NFIX: variants seen among roughly 807,000 people sequenced by gnomAD.
The protein encoded by NFIX is nuclear factor I X, also known as nuclear factor 1 X-type.
A neutral mutation model predicts 53.3 loss-of-function variants in NFIX; 2 were observed. The observed-to-expected ratio is 0.04, with a 90% CI of 0.02 to 0.12. The LOEUF (loss-of-function observed/expected upper bound fraction) is 0.12. NFIX is among the 10% of genes least tolerant of loss of function. The pLI, the probability that NFIX is intolerant of heterozygous loss-of-function variation, is 1.00. For missense variants in NFIX, 310 were observed against 674.5 expected, an observed-to-expected ratio of 0.46 and a Z score of 5.99; for synonymous variants, 244 against 289.0, an observed-to-expected ratio of 0.84 and a Z score of 1.58.
chr19:13,024,087 A>G, intron 1 of NFIX: 1 of 903,256 alleles, frequency 1.1e-6, no homozygotes, highest in East Asian at 2.8e-5. Flanking sequence ...ATCAATTATT[A>G]TTTAAACTTC....
chr19:13,030,305 T>C (rs2013700384), intron 2 of NFIX, among the ~76,000 whole-genome samples: 1 of 152,230 alleles, frequency 6.6e-6, no homozygotes, highest in Non-Finnish European at 1.5e-5. Context: ...TCTTCCATTC[T>C]TCCATGTCTA....
At position 13,043,396 on chromosome 19, in the gene NFIX, G is replaced by T. The variant is rs1049529472; in HGVS notation, c.559+17844G>T. Among the ~76,000 whole-genome samples the T allele has an allele frequency of 6.6e-6, 1 of 152,224 alleles. No homozygotes were observed. The highest frequency in any genetic ancestry group is 1.5e-5 in the Non-Finnish European group (1 of 68,040). On this transcript the variant is annotated intron_variant, in intron 2 of 10. Coordinates refer to ENST00000592199, the MANE Select transcript of NFIX (RefSeq NM_001365902.3). The surrounding 1 kb of genome is among the most constrained non-coding windows in gnomAD (Gnocchi z 4.0). ...TGAGACTGTCTGGTGGTGAGCAGGT[G>T]CTGGCCATGGTATCTTAATGGCAGC...
intron 2 of NFIX, among the ~76,000 whole-genome samples, chr19:13,054,580 CAGGGAGTCCT>C (rs2015531878): frequency 2.0e-5 from 3 of 152,192 alleles, no homozygotes; most frequent in Admixed American, 2.0e-4. Flanking sequence ...GCCAGTACCC[CAGGGAGTCCT>C]ACTCCAAGAG....
Position 13,021,802 on chromosome 19 carries a change from A to G in NFIX, c.28-3219A>G, listed in dbSNP as rs1033713895. 2.0e-5 allele frequency among the ~76,000 whole-genome samples: 3 copies of G among 152,096 alleles called. No homozygotes were observed. Among genetic ancestry groups the G allele is most frequent in the African/African-American group, 4.8e-5 (2 of 41,416 alleles). ...TCACCCTTTCTGCTTGCTGTGAGGA[A>G]GGTCCCCAAGTGGAGGACCAGAGCA... On this transcript the variant is annotated intron_variant, in intron 1 of 10. Transcript: ENST00000592199. This position sits in a 1 kb window ranked among gnomAD's most constrained non-coding sequence, Gnocchi z 4.2.
chr19:13,056,459 T>G (rs1599802119), intron 2 of NFIX, among the ~76,000 whole-genome samples: 1 of 151,868 alleles, frequency 6.6e-6, no homozygotes, highest in Admixed American at 6.5e-5. Flanking sequence ...CCACATAGGG[T>G]GGGCCCACCC....
intron 2 of NFIX, among the ~76,000 whole-genome samples, chr19:13,065,082 C>T (rs2016320806): frequency 6.6e-6 from 1 of 152,114 alleles, no homozygotes; most frequent in Admixed American, 6.5e-5. Flanking sequence ...GGCCACCCAC[C>T]TCCTTCCTCC....
chr19:13,070,912 T>G (rs1231068880), intron 2 of NFIX: 2 of 152,370 alleles, frequency 1.3e-5, no homozygotes, highest in Non-Finnish European at 2.9e-5. Flanking sequence ...CCCTCTCGGC[T>G]GTCCCTGGGC....
chr19:13,051,816 C>G lies in NFIX; in HGVS notation c.560-21231C>G, dbSNP rs1244497824. Among the ~76,000 whole-genome samples, 1 of 152,236 alleles carries G rather than the reference C, an allele frequency of 6.6e-6. No homozygotes were observed. The highest frequency in any genetic ancestry group is 1.5e-5 in the Non-Finnish European group (1 of 68,038). On this transcript the variant is annotated intron_variant, in intron 2 of 10. Transcript: ENST00000592199. The surrounding 1 kb of genome is among the most constrained non-coding windows in gnomAD (Gnocchi z 5.1). ...CAACAGGCCCCAGGGGTTAAAGAAA[C>G]ACAACCCGCCGCTGCCGCCTTAGCA... is the stretch of plus-strand genomic sequence containing the variant.
chr19:13,086,930 G>A (rs1422088710), intron 8 of NFIX, among the ~76,000 whole-genome samples: 4 of 152,258 alleles, frequency 2.6e-5, no homozygotes, highest in Non-Finnish European at 5.9e-5. Flanking sequence ...AGGAGGAGGA[G>A]CACACAGCAT....
chr19:13,073,906 C>T lies in NFIX; in HGVS notation c.698C>T (p.Thr233Ile). 1 of 1,613,984 alleles carries T rather than the reference C, an allele frequency of 6.2e-7. No homozygotes were observed. Among genetic ancestry groups the T allele is most frequent in the Non-Finnish European group, 8.5e-7 (1 of 1,179,876 alleles). ...CTCATCACCCTCTCGTTCTTCCCAG[C>T]TCCTGTTGCAACAGCATCAGGGCCC... ...NVTELVRVSQ[T>I]PVATASGPNF... Residue 233 changes from threonine (T) to isoleucine (I), a missense_variant and splice_region_variant, in exon 5 of 11, where the codon ACT (threonine) becomes ATT (isoleucine). Transcript: ENST00000592199. The surrounding 1 kb of genome is among the most constrained non-coding windows in gnomAD (Gnocchi z 4.5).
intron 7 of NFIX, among the ~76,000 whole-genome samples, chr19:13,080,423 G>A (rs1319896217): frequency 6.6e-6 from 1 of 152,170 alleles, no homozygotes; most frequent in Non-Finnish European, 1.5e-5. Flanking sequence ...ACGGGGTCTT[G>A]TTATGTTTCC....
rs1568294736 is a variant in NFIX, at chr19:13,051,832, C to T, written c.560-21215C>T. On this transcript the variant is annotated intron_variant, in intron 2 of 10. Transcript: ENST00000592199. This position sits in a 1 kb window ranked among gnomAD's most constrained non-coding sequence, Gnocchi z 5.1. ...TTAAAGAAACACAACCCGCCGCTGCCGCCTTAGCAGGTGCCTGGAGGGGGC... is the reference window on the plus strand; with the variant it reads ...TTAAAGAAACACAACCCGCCGCTGCTGCCTTAGCAGGTGCCTGGAGGGGGC... Among the ~76,000 whole-genome samples, 2 of 152,246 alleles carry T rather than the reference C, an allele frequency of 1.3e-5. No individual in the cohort carries two copies. The highest frequency in any genetic ancestry group is 2.9e-5 in the Non-Finnish European group (2 of 68,040).
intron 2 of NFIX, among the ~76,000 whole-genome samples, chr19:13,050,478 G>C (rs1482840618): frequency 6.6e-6 from 1 of 152,214 alleles, no homozygotes; most frequent in African/African-American, 2.4e-5. Context: ...AGCTGCAGGG[G>C]GGTGTTACCC....
In NFIX at chr19:13,013,402, G is replaced by A. The variant is rs1403786588; in HGVS notation, c.28-11619G>A. 6.6e-6 allele frequency among the ~76,000 whole-genome samples: 1 copy of A among 152,146 alleles called. No homozygotes were observed. Among genetic ancestry groups the A allele is most frequent in the Non-Finnish European group, 1.5e-5 (1 of 68,030 alleles). Reference sequence around the variant, plus strand: ...CCCCTCGGAAGCCGGTCATAAACCCGACTTCTCATCACCCGAATTACTTAA... The same window carrying A: ...CCCCTCGGAAGCCGGTCATAAACCCAACTTCTCATCACCCGAATTACTTAA... On this transcript the variant is annotated intron_variant, in intron 1 of 10. Transcript: ENST00000592199. The surrounding 1 kb of genome is among the most constrained non-coding windows in gnomAD (Gnocchi z 5.9).
At chr19:13,010,541 G>A (rs1269475573) in intron 1 of NFIX, among the ~76,000 whole-genome samples, 1 of 152,246 alleles carries the variant, frequency 6.6e-6, no homozygotes, top group East Asian at 1.9e-4. Context: ...ACTGGCTGGC[G>A]CACTTACACC....
At position 13,093,776 on chromosome 19, in the gene NFIX, G is replaced by T. The variant is rs1381447997; in HGVS notation, c.1495-859G>T. 6.6e-6 allele frequency among the ~76,000 whole-genome samples: 1 copy of T among 152,160 alleles called. No individual in the cohort carries two copies. Among genetic ancestry groups the T allele is most frequent in the Non-Finnish European group, 1.5e-5 (1 of 68,026 alleles). ...TTTTGCCCCAACGGTACTACCAGGT[G>T]CACCCAGGCCCAGTAGACCACAGTA... On this transcript the variant is annotated intron_variant, in intron 10 of 10. Transcript: ENST00000592199. The surrounding 1 kb of genome is among the most constrained non-coding windows in gnomAD (Gnocchi z 4.7).
rs1306432329 is a variant in NFIX, at chr19:13,027,980, G to T, written c.559+2428G>T. ...GTTTGAGTGTGCCTTCCTGAAGTGA[G>T]TTGAGGCGAGTTGGCGCAGCCCGGG... On this transcript the variant is annotated intron_variant, in intron 2 of 10. Transcript: ENST00000592199. This position sits in a 1 kb window ranked among gnomAD's most constrained non-coding sequence, Gnocchi z 4.3. Among the ~76,000 whole-genome samples the T allele has an allele frequency of 6.6e-6, 1 of 152,236 alleles. No individual in the cohort carries two copies. The highest frequency in any genetic ancestry group is 1.5e-5 in the Non-Finnish European group (1 of 68,042).
intron 2 of NFIX, among the ~76,000 whole-genome samples, chr19:13,039,133 A>G (rs2014424359): frequency 6.6e-6 from 1 of 151,968 alleles, no homozygotes; most frequent in African/African-American, 2.4e-5. Flanking sequence ...TCTCTCACTT[A>G]TTTATGGTAT....
Position 13,037,305 on chromosome 19 carries a change from G to A in NFIX, c.559+11753G>A, listed in dbSNP as rs918118254. Among the ~76,000 whole-genome samples, 4 of 152,134 alleles carry A rather than the reference G, an allele frequency of 2.6e-5. No individual in the cohort carries two copies. The highest frequency in any genetic ancestry group is 1.9e-4 in the East Asian group (1 of 5,190). The stretch of plus-strand genomic sequence containing the variant: ...TAAGGGAGACCCGACTTCTGCACCC[G>A]GTCATATCCTCCCCAGGGCATGACC... On this transcript the variant is annotated intron_variant, in intron 2 of 10. Coordinates refer to ENST00000592199, the MANE Select transcript of NFIX (RefSeq NM_001365902.3). This position sits in a 1 kb window ranked among gnomAD's most constrained non-coding sequence, Gnocchi z 4.2.
Sources: gnomAD v4.1 joint callset for allele counts (sites outside exome capture counted in the v4.1 genomes callset) on GRCh38, gnomAD v4.1.1 for gene constraint, Gnocchi (gnomAD v3.1) non-coding constraint, MANE v1.5 for transcripts, NCBI Gene and HGNC (gene_info 2026-07-23, HGNC 2026-07-21) for gene names.